ANK3: variants seen among roughly 807,000 people sequenced by gnomAD.
The protein encoded by ANK3 is ankyrin-3.
In ANK3, 57 loss-of-function variants were observed where a neutral mutation model predicts 370.9. That is an observed-to-expected ratio of 0.15 (90% CI 0.12 to 0.19). The LOEUF is 0.19. Among genes scored for constraint, ANK3 ranks in the 10% least tolerant of loss-of-function variants. ANK3 has a pLI of 1.00. For missense variants in ANK3, 4,439 were observed against 5,302.1 expected, an observed-to-expected ratio of 0.84 and a Z score of 5.06; for synonymous variants, 1,929 against 1,946.3, an observed-to-expected ratio of 0.99 and a Z score of 0.23.
chr10:60,278,810 C>T lies in ANK3; in HGVS notation c.378G>A (p.Leu126=), dbSNP rs747030087. ...LAGQAEVVKV[L]VTNGANVNAQ... ...CATTGACATTGGCTCCATTTGTAAC[C>T]AAGACTTTTACCACCTCTGCTTGCC... The change falls in exon 4 of 44, where the codon TTG becomes TTA. Residue 126 remains leucine (L), a synonymous_variant. Transcript: ENST00000280772. 1.2e-6 allele frequency: 2 copies of T among 1,613,916 alleles called. No homozygotes were observed. Among genetic ancestry groups the T allele is most frequent in the Non-Finnish European group, 8.5e-7 (1 of 1,179,936 alleles).
chr10:60,338,587 T>C (rs1037541059), intron 1 of ANK3, among the ~76,000 whole-genome samples: 2 of 152,138 alleles, frequency 1.3e-5, no homozygotes, highest in Admixed American at 1.3e-4. Flanking sequence ...GCAATGGAAA[T>C]TCAAGGATGT....
chr10:60,639,222 C>T (rs2078595963), intron 1 of ANK3, among the ~76,000 whole-genome samples: 1 of 151,188 alleles, frequency 6.6e-6, no homozygotes. Context: ...GAAATGTTAG[C>T]TTCAAAGTTC....
intron 2 of ANK3, among the ~76,000 whole-genome samples, chr10:60,399,496 T>G (rs2063311639): frequency 6.6e-6 from 1 of 152,168 alleles, no homozygotes; most frequent in Non-Finnish European, 1.5e-5. Context: ...AGGTTGTTAT[T>G]AAATTCTAGC....
At chr10:60,508,286 T>G (rs899160219) in intron 2 of ANK3, 3 of 152,516 alleles carry the variant, frequency 2.0e-5, no homozygotes, top group African/African-American at 7.2e-5. Flanking sequence ...TTGGTAAAAA[T>G]TATTCTCCAG....
At chr10:60,438,819 C>T (rs772898688) in intron 2 of ANK3, among the ~76,000 whole-genome samples, 1 of 152,140 alleles carries the variant, frequency 6.6e-6, no homozygotes, top group Non-Finnish European at 1.5e-5. Flanking sequence ...GATTCTGATT[C>T]CCTCAAGAGC....
intron 1 of ANK3, among the ~76,000 whole-genome samples, chr10:60,293,485 T>C (rs1014062596): frequency 2.0e-5 from 3 of 152,178 alleles, no homozygotes; most frequent in African/African-American, 7.2e-5. Context: ...GGTCACCGTA[T>C]CATCTCTATC....
At chr10:60,505,590 A>G (rs910846871) in intron 2 of ANK3, among the ~76,000 whole-genome samples, 1 of 152,098 alleles carries the variant, frequency 6.6e-6, no homozygotes, top group Non-Finnish European at 1.5e-5. Flanking sequence ...TCAACCTTAC[A>G]TTTACTGGCA....
chr10:60,096,961 C>T (rs2090263845), intron 28 of ANK3, among the ~76,000 whole-genome samples: 1 of 152,164 alleles, frequency 6.6e-6, no homozygotes, highest in African/African-American at 2.4e-5. Context: ...TGAAATTCCT[C>T]TCTCCTCTCT....
intron 2 of ANK3, among the ~76,000 whole-genome samples, chr10:60,539,931 G>T (rs1045206390): frequency 2.6e-5 from 4 of 151,906 alleles, no homozygotes; most frequent in Non-Finnish European, 1.5e-5. Flanking sequence ...CAACAAAGTA[G>T]CTCAAAATTA....
intron 2 of ANK3, among the ~76,000 whole-genome samples, chr10:60,608,140 T>C (rs2078152564): frequency 1.3e-5 from 2 of 152,150 alleles, no homozygotes; most frequent in Non-Finnish European, 2.9e-5. Context: ...CATCCATAAA[T>C]TGAAAGTAAT....
rs1167283005 is a variant in ANK3 at position 60,412,268 on chromosome 10, T to C, written c.97-132629A>G. ...GAATCTATGGACTCAGTAGCGTAGATTGCCCTCCCAATGTGGATGGGCCTC... is the reference window on the plus strand; with the variant it reads ...GAATCTATGGACTCAGTAGCGTAGACTGCCCTCCCAATGTGGATGGGCCTC... On this transcript the variant is annotated intron_variant, in intron 2 of 43. Transcript: ENST00000373827. Among the ~76,000 whole-genome samples, 6 of 152,156 alleles carry C rather than the reference T, an allele frequency of 3.9e-5. No homozygotes were observed. In the East Asian group the frequency reaches 1.2e-3, roughly 29 times the overall value.
intron 42 of ANK3, chr10:60,043,545 A>T: frequency 1.8e-5 from 18 of 985,460 alleles, no homozygotes; most frequent in Non-Finnish European, 2.2e-5. Context: ...ATGGGCTGTT[A>T]TAAACCCAAA....
In ANK3 at chr10:60,608,999, A is replaced by G. The variant is rs562354123; in HGVS notation, c.96+6187T>C. On this transcript the variant is annotated intron_variant, in intron 2 of 43. Transcript: ENST00000373827. Reference sequence around the variant, plus strand: ...CCCTCATGATTTTCTATGTTTTAGCATCATCTTCTTAAAACCTGCTACCTG... The same window carrying G: ...CCCTCATGATTTTCTATGTTTTAGCGTCATCTTCTTAAAACCTGCTACCTG... Among the ~76,000 whole-genome samples, 478 of 152,276 alleles carry G rather than the reference A, an allele frequency of 3.1e-3. 3 individuals are homozygous for G. The highest frequency in any genetic ancestry group is 0.011 in the African/African-American group (468 of 41,550).
chr10:60,186,616 C>T (rs1591447878), intron 17 of ANK3, 99 bp downstream of exon 17: 4 of 1,251,626 alleles, frequency 3.2e-6, no homozygotes, highest in East Asian at 2.5e-5. Flanking sequence ...ACACTTTACA[C>T]ATCCTATTTG....
At chr10:60,730,535 A>G (rs2080007405) in intron 1 of ANK3, among the ~76,000 whole-genome samples, 2 of 152,340 alleles carry the variant, frequency 1.3e-5, no homozygotes, top group Admixed American at 1.3e-4. Flanking sequence ...AAAGTAGACT[A>G]TATTAAAACA....
intron 2 of ANK3, among the ~76,000 whole-genome samples, chr10:60,505,183 G>A (rs982230888): frequency 3.9e-5 from 6 of 152,004 alleles, no homozygotes; most frequent in African/African-American, 7.2e-5. Flanking sequence ...ACTTTTGTGC[G>A]TGATTTTTAT....
intron 1 of ANK3, among the ~76,000 whole-genome samples, chr10:60,375,508 G>T (rs920062323): frequency 7.9e-5 from 12 of 152,104 alleles, no homozygotes; most frequent in African/African-American, 2.7e-4. Flanking sequence ...GGGGGGGAGG[G>T]GGGAAGGACT....
At chr10:60,692,882 T>C (rs930487814) in intron 1 of ANK3, among the ~76,000 whole-genome samples, 4 of 151,732 alleles carry the variant, frequency 2.6e-5, no homozygotes, top group Non-Finnish European at 4.4e-5. Flanking sequence ...AAGAATTGAA[T>C]GACACTTACA....
intron 28 of ANK3, among the ~76,000 whole-genome samples, chr10:60,092,778 T>C (rs2088908480): frequency 6.6e-6 from 1 of 152,198 alleles, no homozygotes; most frequent in Non-Finnish European, 1.5e-5. Flanking sequence ...CTCTGTTGGC[T>C]AGGCTGGAGT....
Sources: allele counts gnomAD v4.1 joint callset (sites outside exome capture counted in the v4.1 genomes callset), GRCh38; gene constraint gnomAD v4.1.1; transcripts MANE v1.5; gene names NCBI Gene and HGNC (gene_info 2026-07-23, HGNC 2026-07-21).